LOC128125818: variants seen among roughly 807,000 people sequenced by gnomAD.
At chr4:6,065,427 AAGG>A in the LOC128125818 span, among the ~76,000 whole-genome samples, 1 of 152,218 alleles carries the variant, frequency 6.6e-6, no homozygotes, top group African/African-American at 2.4e-5. The surrounding 1 kb of genome is among the most constrained non-coding windows in gnomAD (Gnocchi z 5.1). Context: ...TGGCTGTACC[AAGG>A]AGAAGGGGGA....
chr4:6,069,849 CA>C, the LOC128125818 span, among the ~76,000 whole-genome samples: 1 of 152,144 alleles, frequency 6.6e-6, no homozygotes, highest in African/African-American at 2.4e-5. This position sits in a 1 kb window ranked among gnomAD's most constrained non-coding sequence, Gnocchi z 4.5. Context: ...TGCTCTTCCT[CA>C]GCGGGTCAGA....
At chr4:6,066,972 T>C in the LOC128125818 span, among the ~76,000 whole-genome samples, 18 of 152,080 alleles carry the variant, frequency 1.2e-4, no homozygotes, top group Non-Finnish European at 1.9e-4. Flanking sequence ...TCCACATGTC[T>C]CCTTCCCTAG....
the LOC128125818 span, among the ~76,000 whole-genome samples, chr4:6,065,394 G>A: frequency 6.2e-4 from 95 of 152,346 alleles, no homozygotes; most frequent in African/African-American, 2.1e-3. The surrounding 1 kb of genome is among the most constrained non-coding windows in gnomAD (Gnocchi z 5.1). Flanking sequence ...CCAGCACTCC[G>A]TCACGCTCCA....
the LOC128125818 span, among the ~76,000 whole-genome samples, chr4:6,065,474 A>G: frequency 7.2e-5 from 11 of 152,232 alleles, no homozygotes; most frequent in African/African-American, 2.4e-4. This position sits in a 1 kb window ranked among gnomAD's most constrained non-coding sequence, Gnocchi z 5.1. Flanking sequence ...TCTAAGGAGA[A>G]GAACTGGATG....
the LOC128125818 span, among the ~76,000 whole-genome samples, chr4:6,067,858 C>G: frequency 6.6e-6 from 1 of 152,202 alleles, no homozygotes; most frequent in African/African-American, 2.4e-5. The surrounding 1 kb of genome is among the most constrained non-coding windows in gnomAD (Gnocchi z 4.6). Flanking sequence ...AGGTCACCCC[C>G]CTGAGCTCCA....
the LOC128125818 span, among the ~76,000 whole-genome samples, chr4:6,067,613 C>G: frequency 1.3e-5 from 2 of 148,808 alleles, no homozygotes; most frequent in East Asian, 2.0e-4. The surrounding 1 kb of genome is among the most constrained non-coding windows in gnomAD (Gnocchi z 4.6). Context: ...AGGTCACCCC[C>G]CTGAGCTCCA....
At chr4:6,069,128 A>C in the LOC128125818 span, among the ~76,000 whole-genome samples, 14 of 152,320 alleles carry the variant, frequency 9.2e-5, no homozygotes, top group South Asian at 2.1e-4. This position sits in a 1 kb window ranked among gnomAD's most constrained non-coding sequence, Gnocchi z 4.5. Flanking sequence ...ATTTTCAAAA[A>C]ATGCAGGAAA....
the LOC128125818 span, among the ~76,000 whole-genome samples, chr4:6,066,967 A>G: frequency 1.3e-5 from 2 of 151,848 alleles, no homozygotes; most frequent in Non-Finnish European, 2.9e-5. Flanking sequence ...CAGAATCCAC[A>G]TGTCTCCTTC....
chr4:6,066,201 C>A, the LOC128125818 span, among the ~76,000 whole-genome samples: 1 of 151,998 alleles, frequency 6.6e-6, no homozygotes, highest in Non-Finnish European at 1.5e-5. Flanking sequence ...AAGGGCCCCT[C>A]CCAGCCTGAG....
At chr4:6,066,948 G>A in the LOC128125818 span, among the ~76,000 whole-genome samples, 5 of 152,136 alleles carry the variant, frequency 3.3e-5, no homozygotes, top group East Asian at 1.9e-4. Flanking sequence ...GCTCCGAGAC[G>A]CTCTTCCCCA....
At chr4:6,067,292 C>T in the LOC128125818 span, among the ~76,000 whole-genome samples, 1 of 152,224 alleles carries the variant, frequency 6.6e-6, no homozygotes, top group Non-Finnish European at 1.5e-5. The surrounding 1 kb of genome is among the most constrained non-coding windows in gnomAD (Gnocchi z 4.6). Context: ...TTGTTTTGCA[C>T]ATGACACCAT....
chr4:6,066,236 G>T, the LOC128125818 span, among the ~76,000 whole-genome samples: 1 of 152,058 alleles, frequency 6.6e-6, no homozygotes, highest in Non-Finnish European at 1.5e-5. Context: ...ATCTGTAAAT[G>T]TGAGAAAAAT....
chr4:6,070,109 G>A, the LOC128125818 span: 1 of 398,884 alleles, frequency 2.5e-6, no homozygotes, highest in Non-Finnish European at 4.4e-6. Context: ...GGCACACCAG[G>A]GCACAGAGAC....
the LOC128125818 span, chr4:6,069,986 G>T: frequency 2.5e-6 from 1 of 397,932 alleles, no homozygotes; most frequent in South Asian, 1.3e-4. The surrounding 1 kb of genome is among the most constrained non-coding windows in gnomAD (Gnocchi z 4.5). Context: ...TCACAGGCAG[G>T]AGCATCGGTC....
the LOC128125818 span, among the ~76,000 whole-genome samples, chr4:6,067,074 C>G: frequency 6.6e-6 from 1 of 152,158 alleles, no homozygotes; most frequent in East Asian, 1.9e-4. This position sits in a 1 kb window ranked among gnomAD's most constrained non-coding sequence, Gnocchi z 4.6. Flanking sequence ...CCCGCCCCAG[C>G]CTCTGGGGCC....
chr4:6,068,036 C>T, the LOC128125818 span, among the ~76,000 whole-genome samples: 7 of 152,232 alleles, frequency 4.6e-5, no homozygotes, highest in Admixed American at 6.5e-5. Context: ...TGACCATCCA[C>T]GTCAGCATCA....
chr4:6,067,119 G>A, the LOC128125818 span, among the ~76,000 whole-genome samples: 5 of 152,056 alleles, frequency 3.3e-5, no homozygotes, highest in Admixed American at 6.6e-5. The surrounding 1 kb of genome is among the most constrained non-coding windows in gnomAD (Gnocchi z 4.6). Flanking sequence ...ACATCTCCCC[G>A]CTGACGTAAG....
chr4:6,068,875 AT>A, the LOC128125818 span, among the ~76,000 whole-genome samples: 7 of 152,182 alleles, frequency 4.6e-5, no homozygotes, highest in Non-Finnish European at 7.4e-5. Flanking sequence ...CAGCCTTAAC[AT>A]TTTTTTATAA....
chr4:6,065,018 G>A, the LOC128125818 span: 29 of 1,613,908 alleles, frequency 1.8e-5, no homozygotes, highest in East Asian at 4.5e-5. The surrounding 1 kb of genome is among the most constrained non-coding windows in gnomAD (Gnocchi z 5.1). Context: ...TCTGTAAAAC[G>A]CAATTTGTAT....
Sources: allele counts gnomAD v4.1 joint callset (sites outside exome capture counted in the v4.1 genomes callset), GRCh38; gene constraint gnomAD v4.1.1; non-coding constraint Gnocchi (gnomAD v3.1); transcripts MANE v1.5.